Variants in PCDH15 observed in about 807,000 individuals in gnomAD.
PCDH15 encodes the protein protocadherin-15.
A neutral mutation model predicts 178.5 loss-of-function variants in PCDH15; 129 were observed. The ratio of observed to expected loss-of-function variants is 0.72; its 90% CI spans 0.63 to 0.84. PCDH15 has a LOEUF of 0.84. Ranked by LOEUF, PCDH15 falls within the 40% of genes least tolerant of loss-of-function variation. PCDH15 has a pLI of 0.00. For missense variants in PCDH15, 2,230 were observed against 2,099.9 expected (o/e 1.06, Z -1.21); for synonymous variants, 800 against 732.0 (o/e 1.09, Z -1.50).
chr10:54,870,098 T>A (rs944006946), intron 3 of PCDH15, among the ~76,000 whole-genome samples: 5 of 152,226 alleles, frequency 3.3e-5, no homozygotes, highest in Non-Finnish European at 7.3e-5. Context: ...ATGAGCACAC[T>A]GTCTTGCAAA....
At chr10:54,720,196 A>G (rs1488162509) in intron 1 of PCDH15, among the ~76,000 whole-genome samples, 1 of 152,110 alleles carries the variant, frequency 6.6e-6, no homozygotes, top group Non-Finnish European at 1.5e-5. Context: ...ATTACTGGGT[A>G]TATACCCAAA....
intron 2 of PCDH15, among the ~76,000 whole-genome samples, chr10:55,537,138 A>C (rs942702717): frequency 3.3e-5 from 5 of 152,166 alleles, no homozygotes; most frequent in Admixed American, 6.6e-5. Flanking sequence ...AAAATTATTA[A>C]TGCTGATACC....
At chr10:53,882,464 CA>C (rs938179943) in intron 26 of PCDH15, among the ~76,000 whole-genome samples, 14 of 152,270 alleles carry the variant, frequency 9.2e-5, no homozygotes, top group Admixed American at 6.5e-4. Context: ...CTGATCACCC[CA>C]ACATTCCTGC....
chr10:53,927,218 A>C (rs1035073663), intron 25 of PCDH15, among the ~76,000 whole-genome samples: 1 of 152,062 alleles, frequency 6.6e-6, no homozygotes, highest in African/African-American at 2.4e-5. Flanking sequence ...AAGGGGACCC[A>C]CAAAACCTTT....
chr10:54,928,815 G>T (rs1259968723), intron 2 of PCDH15, among the ~76,000 whole-genome samples: 5 of 152,090 alleles, frequency 3.3e-5, no homozygotes, highest in Admixed American at 2.6e-4. Flanking sequence ...TATTTTGTCT[G>T]TCAGCACCTG....
At chr10:55,208,921 T>C (rs1375816450) in intron 1 of PCDH15, among the ~76,000 whole-genome samples, 2 of 151,986 alleles carry the variant, frequency 1.3e-5, no homozygotes, top group Non-Finnish European at 2.9e-5. Flanking sequence ...CTTGGGCAAG[T>C]AAAAGGAAAT....
intron 15 of PCDH15, among the ~76,000 whole-genome samples, chr10:54,118,386 T>C (rs1345755580): frequency 1.3e-5 from 2 of 151,944 alleles, no homozygotes; most frequent in Non-Finnish European, 2.9e-5. Flanking sequence ...CCCGGCTGGG[T>C]GTGGTGGCTC....
At chr10:54,768,185 C>T (rs1218246388) in intron 1 of PCDH15, among the ~76,000 whole-genome samples, 4 of 152,084 alleles carry the variant, frequency 2.6e-5, no homozygotes, top group Admixed American at 6.6e-5. Context: ...AAGGGCATAA[C>T]AGCATGAGAG....
At chr10:54,115,172 A>T (rs1487573531) in intron 15 of PCDH15, among the ~76,000 whole-genome samples, 1 of 152,086 alleles carries the variant, frequency 6.6e-6, no homozygotes, top group Admixed American at 6.5e-5. Flanking sequence ...GACCAACCAA[A>T]TTTATTGATT....
At chr10:54,677,989 G>GA (rs1215585478) in intron 1 of PCDH15, among the ~76,000 whole-genome samples, 5 of 152,010 alleles carry the variant, frequency 3.3e-5, no homozygotes, top group African/African-American at 1.2e-4. Context: ...TTCCTGCCTA[G>GA]AAAAATCTAT....
At chr10:54,943,863 A>AG (rs1003045491) in intron 2 of PCDH15, among the ~76,000 whole-genome samples, 1 of 134,096 alleles carries the variant, frequency 7.5e-6, no homozygotes, top group African/African-American at 2.8e-5. Flanking sequence ...TTCCTTGGCT[A>AG]GAAAAAAAAA....
intron 8 of PCDH15, among the ~76,000 whole-genome samples, chr10:54,315,022 G>A (rs1023833805): frequency 5.9e-5 from 9 of 152,136 alleles, no homozygotes; most frequent in African/African-American, 1.9e-4. Context: ...CTTTATGGCA[G>A]AATGATTTAT....
chr10:54,373,360 A>G (rs1396448824), intron 4 of PCDH15, among the ~76,000 whole-genome samples: 1 of 151,888 alleles, frequency 6.6e-6, no homozygotes, highest in Admixed American at 6.6e-5. Context: ...AGTAATGTGG[A>G]AGACAGTGAA....
At chr10:55,239,018 C>T (rs1338106114) in intron 1 of PCDH15, among the ~76,000 whole-genome samples, 2 of 152,104 alleles carry the variant, frequency 1.3e-5, no homozygotes, top group Admixed American at 1.3e-4. Flanking sequence ...CCTTCCTAGC[C>T]TCTGGTAGCC....
chr10:54,117,065 T>C (rs965347307), intron 15 of PCDH15, among the ~76,000 whole-genome samples: 9 of 152,160 alleles, frequency 5.9e-5, no homozygotes, highest in African/African-American at 1.4e-4. Context: ...TACCTGAGGA[T>C]TGCCTGTGAC....
chr10:55,150,239 G>T (rs1295885185), intron 2 of PCDH15, among the ~76,000 whole-genome samples: 1 of 151,902 alleles, frequency 6.6e-6, no homozygotes, highest in Non-Finnish European at 1.5e-5. Context: ...CCAATCCAAG[G>T]GGGTTCAGGA....
intron 1 of PCDH15, among the ~76,000 whole-genome samples, chr10:55,275,335 CTGTTG>C (rs757121521): frequency 1.1e-3 from 162 of 152,076 alleles, no homozygotes; most frequent in Non-Finnish European, 2.0e-3. Flanking sequence ...AAATTTACTG[CTGTTG>C]AATTTATCAA....
At chr10:54,163,355 A>C (rs1249936047) in intron 13 of PCDH15, among the ~76,000 whole-genome samples, 1 of 152,070 alleles carries the variant, frequency 6.6e-6, no homozygotes, top group African/African-American at 2.4e-5. Context: ...GGAAACTTAC[A>C]ATCATTACAG....
rs561458021 is a variant in PCDH15 at position 53,999,416 on chromosome 10, T to C, written c.2752-3651A>G. Among the ~76,000 whole-genome samples, 5 of 152,344 alleles carry C rather than the reference T, an allele frequency of 3.3e-5. No homozygotes were observed. The South Asian group carries it at 8.3e-4, about 25-fold the overall frequency. ...GTTTTTTTCTCTCTCAATTTCTGTA[T>C]TGTCTCCTTGTCTTTACTGACTTAT... On this transcript the variant is annotated intron_variant, in intron 20 of 37. Transcript: ENST00000644397.
Sources: gnomAD v4.1 joint callset for allele counts (sites outside exome capture counted in the v4.1 genomes callset) on GRCh38, gnomAD v4.1.1 for gene constraint, MANE v1.5 for transcripts, NCBI Gene and HGNC (gene_info 2026-07-23, HGNC 2026-07-21) for gene names.